TLE3: variants seen among roughly 807,000 people sequenced by gnomAD.
TLE3 encodes the protein TLE family member 3, transcriptional corepressor.
In TLE3, 14 loss-of-function variants were observed where a neutral mutation model predicts 93.0. The ratio of observed to expected loss-of-function variants is 0.15; its 90% CI spans 0.10 to 0.24. The LOEUF is 0.24. Ranked by LOEUF, TLE3 falls within the 10% of genes least tolerant of loss-of-function variation. The probability of loss-of-function intolerance (pLI) is 1.00; values close to 1 mark genes in which losing one functional copy is unlikely to be tolerated. For missense variants in TLE3, 693 were observed against 1,046.6 expected (o/e 0.66, Z 4.66); for synonymous variants, 451 against 425.0 (o/e 1.06, Z -0.75).
At chr15:70,094,787 T>C (rs1177911475) in intron 3 of TLE3, 2 of 552,480 alleles carry the variant, frequency 3.6e-6, no homozygotes, top group Admixed American at 3.3e-5. Flanking sequence ...CGTTATATTA[T>C]GTGGTAGTAA....
chr15:70,053,577 T>G (rs1328390913), intron 16 of TLE3: 2 of 507,314 alleles, frequency 3.9e-6, no homozygotes, highest in South Asian at 3.8e-5. Flanking sequence ...ACGGAAGGGT[T>G]TGCCCAGGGA....
intron 6 of TLE3, among the ~76,000 whole-genome samples, chr15:70,070,732 T>C (rs772427038): frequency 5.9e-5 from 9 of 152,190 alleles, no homozygotes; most frequent in Non-Finnish European, 1.0e-4. Context: ...AACTCAGCGT[T>C]ACCTCCTTCC....
chr15:70,065,980 C>A lies in TLE3; in HGVS notation c.577+34G>T, dbSNP rs1342358280. The A allele has an allele frequency of 7.6e-6, 8 of 1,056,878 alleles. No individual in the cohort carries two copies. In the African/African-American group the frequency reaches 9.4e-5, roughly 12 times the overall value. 65.5% of individuals were successfully genotyped at this position (1,056,878 alleles called of 1,614,324 possible). A position where few individuals can be genotyped will look rare whatever the true frequency, so the allele number is the denominator to read the frequency against. On this transcript the variant is annotated intron_variant, in intron 7 of 19. Coordinates refer to ENST00000451782, the MANE Select transcript of TLE3 (RefSeq NM_001105192.3). The stretch of plus-strand genomic sequence containing the variant: ...CTATGAGCGCCCATGCCCACCCCTG[C>A]CCCGCCCCACCCTCTGCCCCAGCCC...
intron 8 of TLE3, among the ~76,000 whole-genome samples, chr15:70,061,550 TG>T (rs2056475827): frequency 6.6e-6 from 1 of 152,240 alleles, no homozygotes; most frequent in Admixed American, 6.5e-5. Flanking sequence ...GAAATCACCA[TG>T]TGGCTGTTAC....
chr15:70,095,242 G>C lies in TLE3; in HGVS notation c.189+336C>G, dbSNP rs535230732. The C allele has an allele frequency of 6.0e-6, 7 of 1,161,310 alleles. No homozygotes were observed. The Admixed American group carries it at 1.7e-4, about 28-fold the overall frequency. The allele number at this position is 1,161,310 out of a possible 1,614,324, so 71.9% of individuals were successfully genotyped here. A position where few individuals can be genotyped will look rare whatever the true frequency, so the allele number is the denominator to read the frequency against. Reference sequence around the variant, plus strand: ...TACCAACCCTAATTTCACATGGGCTGGTCCAATCCTATCTTACTAGCCAAG... The same window carrying C: ...TACCAACCCTAATTTCACATGGGCTCGTCCAATCCTATCTTACTAGCCAAG... On this transcript the variant is annotated intron_variant, in intron 3 of 19. Coordinates refer to ENST00000451782, the MANE Select transcript of TLE3 (RefSeq NM_001105192.3).
intron 4 of TLE3, among the ~76,000 whole-genome samples, chr15:70,091,115 T>C (rs973500682): frequency 7.9e-5 from 12 of 152,264 alleles, no homozygotes; most frequent in Non-Finnish European, 1.5e-4. Context: ...TTTCCTCATC[T>C]GTAACTTGAA....
Position 70,097,800 on chromosome 15 carries a change from GCA to G in TLE3, c.-1004_-1003del. On this transcript the variant is annotated 5_prime_UTR_variant, in exon 1 of 20. Coordinates refer to ENST00000451782, the MANE Select transcript of TLE3 (RefSeq NM_001105192.3). ...ACCCAACACACACACACGCGCGCAC[GCA>G]CACACACACACACCAAAAAAAAAAG... 9.0e-6 allele frequency: 3 copies of G among 332,080 alleles called. No individual in the cohort carries two copies. The highest frequency in any genetic ancestry group is 5.1e-6 in the Non-Finnish European group (1 of 194,976). 20.6% of individuals were successfully genotyped at this position (332,080 alleles called of 1,614,324 possible).
At chr15:70,052,339 C>T in intron 18 of TLE3, 35 bp downstream of exon 18, 1 of 1,602,902 alleles carries the variant, frequency 6.2e-7, no homozygotes, top group East Asian at 2.2e-5. Context: ...GTTCCCCACC[C>T]CACTCCATCA....
chr15:70,077,753 A>C (rs2057521785), intron 4 of TLE3, among the ~76,000 whole-genome samples: 1 of 152,258 alleles, frequency 6.6e-6, no homozygotes, highest in South Asian at 2.1e-4. Context: ...CTTTCTGCCT[A>C]GAACACTCTA....
At chr15:70,054,294 T>G in intron 16 of TLE3, 144 bp downstream of exon 16, 4 of 1,238,628 alleles carry the variant, frequency 3.2e-6, no homozygotes, top group Non-Finnish European at 4.4e-6. Flanking sequence ...GGAGCTGTCT[T>G]TTCACCTGTG....
intron 9 of TLE3, 37 bp from the exon 10 acceptor site, chr15:70,059,497 G>T (rs768603445): frequency 1.3e-6 from 2 of 1,586,422 alleles, no homozygotes; most frequent in African/African-American, 2.7e-5. Context: ...TCAGTAAGAG[G>T]CCACACTTTC....
At chr15:70,095,930 G>A (rs889320730) in intron 2 of TLE3, 6 of 645,922 alleles carry the variant, frequency 9.3e-6, no homozygotes, top group African/African-American at 3.7e-5. Context: ...CCCGCTCGCC[G>A]CGACCTAGAC....
intron 7 of TLE3, 129 bp downstream of exon 7, chr15:70,065,885 A>T: frequency 9.8e-7 from 1 of 1,024,402 alleles, no homozygotes; most frequent in Non-Finnish European, 1.4e-6. Context: ...GTATCAACAG[A>T]TGACTCCAAA....
chr15:70,091,647 T>C (rs1042430552), intron 4 of TLE3, among the ~76,000 whole-genome samples: 3 of 152,196 alleles, frequency 2.0e-5, no homozygotes, highest in African/African-American at 4.8e-5. Context: ...CTCTGGGATT[T>C]TGACAGCTTG....
chr15:70,096,339 A>C, intron 1 of TLE3, 78 bp from the exon 2 acceptor site: 4 of 1,521,220 alleles, frequency 2.6e-6, no homozygotes. Flanking sequence ...CCCCTCCCCA[A>C]CGGCGCCCAA....
chr15:70,079,198 G>A (rs528087530), intron 4 of TLE3, among the ~76,000 whole-genome samples: 58 of 152,034 alleles, frequency 3.8e-4, no homozygotes, highest in African/African-American at 1.3e-3. Flanking sequence ...CCACAAACAA[G>A]CATCAACTGA....
intron 16 of TLE3, chr15:70,053,611 G>GA (rs2055749797): frequency 5.0e-6 from 2 of 401,248 alleles, no homozygotes; most frequent in Non-Finnish European, 8.8e-6. Context: ...AAATGGGGGG[G>GA]GGAGGTGAAA....
intron 4 of TLE3, 113 bp from the exon 5 acceptor site, chr15:70,076,271 C>A: frequency 1.0e-6 from 1 of 953,492 alleles, no homozygotes; most frequent in South Asian, 1.4e-5. Context: ...CTCCACGGGG[C>A]TCCATCCTTT....
Position 70,049,962 on chromosome 15 carries a change from G to T in TLE3, c.*135C>A, listed in dbSNP as rs2055373004. 1.5e-6 allele frequency: 1 copy of T among 685,112 alleles called. No homozygotes were observed. Among genetic ancestry groups the T allele is most frequent in the South Asian group, 1.7e-5 (1 of 59,196 alleles). The allele number at this position is 685,112 out of a possible 1,614,324, so 42.4% of individuals were successfully genotyped here. On this transcript the variant is annotated 3_prime_UTR_variant, in exon 20 of 20. Transcript: ENST00000451782. ...GACGGGGCACGTGCCCTCTCAGCCG[G>T]CCGGAGCGCAGCCCTGAACGCTCGG...
Sources: gnomAD v4.1 joint callset for allele counts (sites outside exome capture counted in the v4.1 genomes callset) on GRCh38, gnomAD v4.1.1 for gene constraint, MANE v1.5 for transcripts, NCBI Gene and HGNC (gene_info 2026-07-23, HGNC 2026-07-21) for gene names.